LYPD6B: variants seen among roughly 807,000 people sequenced by gnomAD.
LYPD6B encodes LY6/PLAUR domain containing 6B.
A neutral mutation model predicts 22.8 loss-of-function variants in LYPD6B; 17 were observed. That is an observed-to-expected ratio of 0.75 (90% CI 0.51 to 1.12). The LOEUF (loss-of-function observed/expected upper bound fraction) is 1.12, where lower values mean the gene tolerates loss of function less well. LYPD6B is among the 50% of genes most tolerant of loss of function. The probability of loss-of-function intolerance (pLI) is 0.00; values close to 1 mark genes in which losing one functional copy is unlikely to be tolerated. For synonymous variants in LYPD6B, 106 were observed against 91.6 expected, an observed-to-expected ratio of 1.16 and a Z score of -0.90; for missense variants, 221 against 258.3, an observed-to-expected ratio of 0.86 and a Z score of 0.99.
chr2:149,045,201 T>C (rs916793805), intron 1 of LYPD6B, among the ~76,000 whole-genome samples: 1 of 152,096 alleles, frequency 6.6e-6, no homozygotes, highest in African/African-American at 2.4e-5. Context: ...GTCAAATTCA[T>C]TGATACAGAA....
intron 1 of LYPD6B, among the ~76,000 whole-genome samples, chr2:149,072,440 T>C (rs1684652775): frequency 6.6e-6 from 1 of 152,098 alleles, no homozygotes; most frequent in Admixed American, 6.6e-5. Context: ...TAATAAATGC[T>C]ATGAAGGATA....
intron 1 of LYPD6B, among the ~76,000 whole-genome samples, chr2:149,092,109 G>A (rs1039564811): frequency 2.6e-5 from 4 of 152,064 alleles, no homozygotes; most frequent in African/African-American, 2.4e-5. Context: ...CAGAGGAGTA[G>A]AGGTCTTAAT....
At chr2:149,119,904 T>C (rs1383760425) in intron 1 of LYPD6B, among the ~76,000 whole-genome samples, 1 of 151,972 alleles carries the variant, frequency 6.6e-6, no homozygotes, top group Admixed American at 6.6e-5. Flanking sequence ...ATATAGACAG[T>C]AGGTATAGTG....
At chr2:149,064,499 C>T (rs774581926) in intron 1 of LYPD6B, among the ~76,000 whole-genome samples, 4 of 152,188 alleles carry the variant, frequency 2.6e-5, no homozygotes, top group African/African-American at 4.8e-5. Flanking sequence ...AATTACAATT[C>T]CTGTGAGCAT....
intron 3 of LYPD6B, among the ~76,000 whole-genome samples, chr2:149,166,133 T>A: frequency 6.6e-6 from 1 of 152,170 alleles, no homozygotes; most frequent in East Asian, 1.9e-4. Context: ...TAGCCTCTTA[T>A]TTTTTGGTTT....
At chr2:149,151,501 T>C (rs1689376445) in intron 2 of LYPD6B, among the ~76,000 whole-genome samples, 1 of 152,190 alleles carries the variant, frequency 6.6e-6, no homozygotes. Context: ...CCATGCCATA[T>C]AGGGCTCAGG....
chr2:149,088,817 A>G (rs1323724789), intron 1 of LYPD6B, among the ~76,000 whole-genome samples: 2 of 152,350 alleles, frequency 1.3e-5, no homozygotes, highest in Middle Eastern at 6.8e-3. Flanking sequence ...GTTAGGGCCA[A>G]GAGACACAGG....
chr2:149,133,362 A>G (rs1018766304), intron 2 of LYPD6B, among the ~76,000 whole-genome samples: 1 of 152,226 alleles, frequency 6.6e-6, no homozygotes, highest in African/African-American at 2.4e-5. Flanking sequence ...ATTCATTAGT[A>G]TAGTTTCATT....
At chr2:149,065,898 G>A (rs1684297495) in intron 1 of LYPD6B, among the ~76,000 whole-genome samples, 1 of 151,978 alleles carries the variant, frequency 6.6e-6, no homozygotes. Context: ...TTTTCATAGA[G>A]ACTAGTTTTC....
intron 3 of LYPD6B, among the ~76,000 whole-genome samples, chr2:149,185,994 T>A (rs1025679980): frequency 6.6e-6 from 1 of 152,218 alleles, no homozygotes; most frequent in African/African-American, 2.4e-5. Context: ...TCTCTTCCCC[T>A]CCTTGGGCTT....
chr2:149,117,640 T>C (rs746168360), intron 1 of LYPD6B, among the ~76,000 whole-genome samples: 35 of 152,188 alleles, frequency 2.3e-4, no homozygotes, highest in Admixed American at 4.6e-4. Flanking sequence ...AAGGCCACTT[T>C]CCTTTGTATA....
At chr2:149,048,643 T>C (rs561633358) in intron 1 of LYPD6B, among the ~76,000 whole-genome samples, 1 of 152,332 alleles carries the variant, frequency 6.6e-6, no homozygotes, top group Admixed American at 6.5e-5. Context: ...CTCCTTTGCC[T>C]CAGTTTTCTC....
intron 1 of LYPD6B, among the ~76,000 whole-genome samples, chr2:149,123,817 G>A (rs35397906): frequency 0.23 from 34,332 of 152,072 alleles, 4,698 homozygotes; most frequent in East Asian, 0.55. Flanking sequence ...CTGAGATTGC[G>A]CCACTGCACT....
intron 2 of LYPD6B, among the ~76,000 whole-genome samples, chr2:149,143,185 A>G (rs887496510): frequency 4.6e-5 from 7 of 152,306 alleles, no homozygotes; most frequent in Admixed American, 3.3e-4. Flanking sequence ...CACTTTCAAA[A>G]ATATGCATAA....
At chr2:149,041,743 A>G (rs1016368679) in intron 1 of LYPD6B, among the ~76,000 whole-genome samples, 1 of 152,156 alleles carries the variant, frequency 6.6e-6, no homozygotes, top group Non-Finnish European at 1.5e-5. Flanking sequence ...GGAGGAAAGG[A>G]GCTGAGGTTG....
chr2:149,062,201 G>A (rs1320162052), intron 1 of LYPD6B, among the ~76,000 whole-genome samples: 2 of 152,070 alleles, frequency 1.3e-5, no homozygotes, highest in African/African-American at 2.4e-5. Flanking sequence ...TGGTCAGGCT[G>A]GTATCGAACT....
intron 3 of LYPD6B, among the ~76,000 whole-genome samples, chr2:149,179,891 C>A (rs370593979): frequency 1.3e-5 from 2 of 152,294 alleles, no homozygotes; most frequent in East Asian, 3.9e-4. Flanking sequence ...GGTAGGAAAT[C>A]GTTCAACCTA....
At chr2:149,097,255 T>C (rs1685947327) in intron 1 of LYPD6B, among the ~76,000 whole-genome samples, 1 of 152,204 alleles carries the variant, frequency 6.6e-6, no homozygotes, top group Non-Finnish European at 1.5e-5. Context: ...CCTTAAAGTA[T>C]GAGGCCTTCA....
At chr2:149,154,071 A>T (rs1689542938) in intron 2 of LYPD6B, 12 of 960,054 alleles carry the variant, frequency 1.2e-5, no homozygotes, top group Non-Finnish European at 1.5e-5. Context: ...TGTGGTAAAG[A>T]TGATGTCTTC....
Sources: gnomAD v4.1 joint callset for allele counts (sites outside exome capture counted in the v4.1 genomes callset) on GRCh38, gnomAD v4.1.1 for gene constraint, MANE v1.5 for transcripts, NCBI Gene and HGNC (gene_info 2026-07-23, HGNC 2026-07-21) for gene names.